NXPE2: variants seen among roughly 807,000 people sequenced by gnomAD.
The protein encoded by NXPE2 is NXPE family member 2.
A neutral mutation model predicts 34.4 loss-of-function variants in NXPE2; 34 were observed. The ratio of observed to expected loss-of-function variants is 0.99; its 90% CI spans 0.75 to 1.31. The LOEUF (loss-of-function observed/expected upper bound fraction) is 1.31. NXPE2 is among the 40% of genes most tolerant of loss of function. NXPE2 has a pLI of 0.00. For missense variants in NXPE2, 649 were observed against 672.5 expected, an observed-to-expected ratio of 0.97 and a Z score of 0.39; for synonymous variants, 235 against 231.3, an observed-to-expected ratio of 1.02 and a Z score of -0.15.
At chr11:114,739,855 G>T in the NXPE2 span, among the ~76,000 whole-genome samples, 1 of 152,088 alleles carries the variant, frequency 6.6e-6, no homozygotes, top group Non-Finnish European at 1.5e-5. Flanking sequence ...TTTGTGGCTG[G>T]ATTATTTCAC....
the NXPE2 span, among the ~76,000 whole-genome samples, chr11:114,730,284 A>G: frequency 6.6e-6 from 1 of 151,996 alleles, no homozygotes; most frequent in African/African-American, 2.4e-5. Flanking sequence ...TACCAGTACC[A>G]TGTTGTTTTG....
chr11:114,727,134 T>C, the NXPE2 span, among the ~76,000 whole-genome samples: 1 of 152,066 alleles, frequency 6.6e-6, no homozygotes, highest in East Asian at 1.9e-4. Context: ...CTTCACTTCT[T>C]GGTACCAATT....
chr11:114,540,837 C>CTTTTTTTTT, the NXPE2 span, among the ~76,000 whole-genome samples: 23 of 47,472 alleles, frequency 4.8e-4, 9 homozygotes, highest in Non-Finnish European at 8.8e-4. Flanking sequence ...AGAAAGCCAT[C>CTTTTTTTTT]TTTTTTTTTT....
the NXPE2 span, among the ~76,000 whole-genome samples, chr11:114,511,422 A>G: frequency 0.11 from 16,574 of 152,218 alleles, 1,112 homozygotes; most frequent in Middle Eastern, 0.16. Flanking sequence ...TCACATGTCA[A>G]GGAGGCTGAG....
At chr11:114,540,722 G>A in the NXPE2 span, among the ~76,000 whole-genome samples, 3 of 152,064 alleles carry the variant, frequency 2.0e-5, no homozygotes, top group South Asian at 2.1e-4. Context: ...AAGTTTTGGT[G>A]GGAAGATGAA....
At chr11:114,557,668 TATATAA>T in the NXPE2 span, among the ~76,000 whole-genome samples, 185 of 107,748 alleles carry the variant, frequency 1.7e-3, no homozygotes, top group African/African-American at 5.9e-3. Context: ...TATATATATA[TATATAA>T]AATCCTTGTT....
chr11:114,801,312 A>G, the NXPE2 span, among the ~76,000 whole-genome samples: 1 of 152,238 alleles, frequency 6.6e-6, no homozygotes, highest in Non-Finnish European at 1.5e-5. Flanking sequence ...GAATGATGAA[A>G]AGAAACCAGT....
the NXPE2 span, among the ~76,000 whole-genome samples, chr11:114,796,391 A>C: frequency 6.6e-6 from 1 of 152,150 alleles, no homozygotes; most frequent in East Asian, 1.9e-4. Context: ...ACTTTTATGT[A>C]TATTATTATA....
At chr11:114,466,468 G>A in the NXPE2 span, among the ~76,000 whole-genome samples, 1 of 151,968 alleles carries the variant, frequency 6.6e-6, no homozygotes, top group Non-Finnish European at 1.5e-5. Context: ...GAGCAGCACT[G>A]GATAATATTT....
At chr11:114,588,577 G>A in the NXPE2 span, among the ~76,000 whole-genome samples, 3 of 152,108 alleles carry the variant, frequency 2.0e-5, no homozygotes, top group Non-Finnish European at 4.4e-5. Flanking sequence ...AGAAATAGGG[G>A]AGCCATCATT....
the NXPE2 span, among the ~76,000 whole-genome samples, chr11:114,464,757 C>T: frequency 6.6e-6 from 1 of 151,690 alleles, no homozygotes; most frequent in Admixed American, 6.6e-5. Flanking sequence ...CTAAATCTAC[C>T]ATAAAGACAC....
the NXPE2 span, among the ~76,000 whole-genome samples, chr11:114,778,627 G>A: frequency 6.6e-6 from 1 of 152,138 alleles, no homozygotes; most frequent in African/African-American, 2.4e-5. Context: ...AAGAGACAAG[G>A]GAAACCAGGC....
At chr11:114,620,427 G>T in the NXPE2 span, among the ~76,000 whole-genome samples, 1 of 152,212 alleles carries the variant, frequency 6.6e-6, no homozygotes, top group Non-Finnish European at 1.5e-5. Context: ...TGAGTCATGG[G>T]TAACCACTGT....
chr11:114,616,104 A>G, the NXPE2 span, among the ~76,000 whole-genome samples: 1 of 148,816 alleles, frequency 6.7e-6, no homozygotes, highest in Non-Finnish European at 1.5e-5. Flanking sequence ...TAAGTAATGC[A>G]TCATGGGTAA....
chr11:114,797,008 C>T, the NXPE2 span, among the ~76,000 whole-genome samples: 364 of 152,274 alleles, frequency 2.4e-3, 8 homozygotes, highest in Admixed American at 0.019. Context: ...GAGATGTAAA[C>T]GGAATCTGTG....
At chr11:114,770,067 G>A in the NXPE2 span, among the ~76,000 whole-genome samples, 6 of 152,254 alleles carry the variant, frequency 3.9e-5, no homozygotes. Context: ...GACTCACTTG[G>A]GCTATAGCAT....
chr11:114,489,616 G>A, the NXPE2 span, among the ~76,000 whole-genome samples: 1 of 152,106 alleles, frequency 6.6e-6, no homozygotes, highest in Non-Finnish European at 1.5e-5. Flanking sequence ...CCACATGATT[G>A]TCTCAACAGA....
At chr11:114,710,878 A>G (rs1018410775), downstream of NXPE2, among the ~76,000 whole-genome samples, 3 of 152,194 alleles carry the variant, frequency 2.0e-5, no homozygotes, top group African/African-American at 7.2e-5. Context: ...ATAGCTCATT[A>G]AAAGCATCAT....
chr11:114,501,662 C>A, the NXPE2 span, among the ~76,000 whole-genome samples: 3 of 152,144 alleles, frequency 2.0e-5, no homozygotes, highest in South Asian at 4.2e-4. Context: ...TATTTCAGGG[C>A]TAATGGATCA....
Sources: allele counts gnomAD v4.1 joint callset (sites outside exome capture counted in the v4.1 genomes callset), GRCh38; gene constraint gnomAD v4.1.1; transcripts MANE v1.5; gene names NCBI Gene and HGNC (gene_info 2026-07-23, HGNC 2026-07-21).